CLSTN2: variants seen among roughly 807,000 people sequenced by gnomAD.
CLSTN2 encodes the protein calsyntenin 2, also known as calsyntenin-2.
A neutral mutation model predicts 101.2 loss-of-function variants in CLSTN2; 48 were observed. The ratio of observed to expected loss-of-function variants is 0.47; its 90% confidence interval spans 0.38 to 0.60. The LOEUF is 0.60. CLSTN2 is among the 20% of genes least tolerant of loss of function. CLSTN2 has a pLI of 0.00. For synonymous variants in CLSTN2, 481 were observed against 463.6 expected (o/e 1.04, Z -0.48); for missense variants, 1,160 against 1,238.2 (o/e 0.94, Z 0.95).
chr3:140,256,419 T>G (rs2086604671), intron 2 of CLSTN2, among the ~76,000 whole-genome samples: 1 of 152,226 alleles, frequency 6.6e-6, no homozygotes, highest in Admixed American at 6.5e-5. Context: ...GGAAGTCTGA[T>G]ATTTCACTTC....
chr3:140,312,920 T>C (rs1264950859), intron 2 of CLSTN2, among the ~76,000 whole-genome samples: 1 of 152,264 alleles, frequency 6.6e-6, no homozygotes, highest in Admixed American at 6.5e-5. Context: ...GCAAAGGTCT[T>C]CGACCGAATC....
chr3:140,026,697 G>A (rs2007429612), intron 1 of CLSTN2, among the ~76,000 whole-genome samples: 1 of 152,164 alleles, frequency 6.6e-6, no homozygotes, highest in Non-Finnish European at 1.5e-5. Context: ...TATCTTCTCT[G>A]TCTTTTCATG....
At chr3:140,430,901 C>T (rs1026447684) in intron 5 of CLSTN2, among the ~76,000 whole-genome samples, 1 of 152,142 alleles carries the variant, frequency 6.6e-6, no homozygotes, top group African/African-American at 2.4e-5. Flanking sequence ...AATTCAAATT[C>T]GTATCAGCCT....
chr3:140,565,087 A>G (rs906203711), intron 16 of CLSTN2, among the ~76,000 whole-genome samples: 3 of 152,230 alleles, frequency 2.0e-5, no homozygotes, highest in African/African-American at 7.2e-5. Context: ...CCACCTTCAA[A>G]GAGCTGAGCC....
chr3:140,020,569 G>A (rs2107755398), intron 1 of CLSTN2, among the ~76,000 whole-genome samples: 1 of 152,310 alleles, frequency 6.6e-6, no homozygotes, highest in Admixed American at 6.5e-5. Flanking sequence ...CTGCTAAGGA[G>A]GCAGGCAGCA....
At chr3:140,180,248 G>A (rs1313253322) in intron 2 of CLSTN2, among the ~76,000 whole-genome samples, 1 of 152,204 alleles carries the variant, frequency 6.6e-6, no homozygotes, top group African/African-American at 2.4e-5. Context: ...CAGAATCCCA[G>A]AACAGGCTAG....
chr3:140,481,334 ATT>A (rs1262778727), intron 8 of CLSTN2, among the ~76,000 whole-genome samples: 2 of 150,624 alleles, frequency 1.3e-5, no homozygotes, highest in Non-Finnish European at 3.0e-5. Context: ...GTACCATGCT[ATT>A]TTGGTTACTG....
At chr3:140,309,313 A>C (rs1034239100) in intron 2 of CLSTN2, among the ~76,000 whole-genome samples, 1 of 152,164 alleles carries the variant, frequency 6.6e-6, no homozygotes, top group East Asian at 1.9e-4. Flanking sequence ...CAGAGGTGGC[A>C]AGATGCTTGG....
intron 2 of CLSTN2, among the ~76,000 whole-genome samples, chr3:140,271,070 G>A (rs1316623100): frequency 6.6e-6 from 1 of 152,046 alleles, no homozygotes; most frequent in African/African-American, 2.4e-5. Flanking sequence ...TTCCTTCCCG[G>A]GGAGCCACAT....
At chr3:139,973,782 A>C (rs1471028078) in intron 1 of CLSTN2, among the ~76,000 whole-genome samples, 1 of 152,080 alleles carries the variant, frequency 6.6e-6, no homozygotes, top group Non-Finnish European at 1.5e-5. Flanking sequence ...GCAACTACAG[A>C]TGTGTGCCAC....
intron 2 of CLSTN2, among the ~76,000 whole-genome samples, chr3:140,363,390 A>G (rs2087749630): frequency 6.6e-6 from 1 of 152,230 alleles, no homozygotes; most frequent in South Asian, 2.1e-4. Context: ...TGTAATAGAA[A>G]TGTTCTAAAA....
At chr3:140,521,259 T>A (rs1935021671) in intron 8 of CLSTN2, among the ~76,000 whole-genome samples, 1 of 152,200 alleles carries the variant, frequency 6.6e-6, no homozygotes, top group South Asian at 2.1e-4. Flanking sequence ...TTCGTTCTCA[T>A]CTTTGTGGGC....
At chr3:140,221,779 T>C (rs1223429680) in intron 2 of CLSTN2, among the ~76,000 whole-genome samples, 1 of 152,014 alleles carries the variant, frequency 6.6e-6, no homozygotes, top group African/African-American at 2.4e-5. Flanking sequence ...AAAACTACAA[T>C]GAGGTAGCAT....
At chr3:140,390,234 A>T (rs543592628) in intron 2 of CLSTN2, among the ~76,000 whole-genome samples, 1 of 152,182 alleles carries the variant, frequency 6.6e-6, no homozygotes, top group East Asian at 1.9e-4. Context: ...TTTATAATAC[A>T]TGCTTTTAAA....
At chr3:140,009,492 A>G (rs912300413) in intron 1 of CLSTN2, among the ~76,000 whole-genome samples, 1 of 152,218 alleles carries the variant, frequency 6.6e-6, no homozygotes, top group Admixed American at 6.5e-5. Flanking sequence ...TATTTATTCA[A>G]TAAATATTTA....
intron 2 of CLSTN2, among the ~76,000 whole-genome samples, chr3:140,368,267 A>G (rs1022113685): frequency 1.3e-5 from 2 of 152,132 alleles, no homozygotes; most frequent in African/African-American, 4.8e-5. Flanking sequence ...GCTTTCCTGC[A>G]TTGCTTGTGC....
At chr3:140,415,486 C>CAAAAAAAAAAAAAAAAAAAAAAA (rs751616049) in intron 4 of CLSTN2, among the ~76,000 whole-genome samples, 11 of 56,870 alleles carry the variant, frequency 1.9e-4, no homozygotes, top group African/African-American at 3.8e-4. Flanking sequence ...CACAAAATAG[C>CAAAAAAAAAAAAAAAAAAAAAAA]AAAAAAAAAA....
At chr3:140,283,394 C>T (rs533208806) in intron 2 of CLSTN2, among the ~76,000 whole-genome samples, 5 of 152,294 alleles carry the variant, frequency 3.3e-5, no homozygotes, top group South Asian at 2.1e-4. Context: ...TGTGCAATCA[C>T]GTTTGTGCAC....
In CLSTN2 at chr3:140,021,520, C is replaced by T. The variant is rs369303344; in HGVS notation, c.109+86037C>T. Among the ~76,000 whole-genome samples the T allele has an allele frequency of 3.7e-4, 56 of 152,256 alleles. No homozygotes were observed. The South Asian group carries it at 0.011, about 30-fold the overall frequency. On this transcript the variant is annotated intron_variant, in intron 1 of 16. Transcript: ENST00000458420. The stretch of plus-strand genomic sequence containing the variant: ...GAAACTTCCCCTGTCAGAGTTAGAA[C>T]CACCGGTGTGTACCTGGTATTCTGT...
Sources: allele counts gnomAD v4.1 joint callset (sites outside exome capture counted in the v4.1 genomes callset), GRCh38; gene constraint gnomAD v4.1.1; transcripts MANE v1.5; gene names NCBI Gene and HGNC (gene_info 2026-07-23, HGNC 2026-07-21).